Variants in LRRC4C observed in about 807,000 individuals in gnomAD.
The protein encoded by LRRC4C is leucine rich repeat containing 4C.
In LRRC4C, 5 loss-of-function variants were observed where a neutral mutation model predicts 33.6. That is an observed-to-expected ratio of 0.15 (90% CI 0.08 to 0.31). The LOEUF is 0.31. LRRC4C is among the 10% of genes least tolerant of loss of function. LRRC4C has a pLI of 1.00. For synonymous variants in LRRC4C, 329 were observed against 302.0 expected (o/e 1.09, Z -0.93); for missense variants, 560 against 796.7 (o/e 0.70, Z 3.58).
At chr11:41,185,961 A>C (rs1282037152) in intron 1 of LRRC4C, among the ~76,000 whole-genome samples, 1 of 152,064 alleles carries the variant, frequency 6.6e-6, no homozygotes. Context: ...AATAATTAGG[A>C]CTCCAATAGG....
chr11:40,539,288 T>G (rs1956605944), intron 3 of LRRC4C, among the ~76,000 whole-genome samples: 1 of 152,196 alleles, frequency 6.6e-6, no homozygotes, highest in African/African-American at 2.4e-5. Flanking sequence ...CTAGTACTGC[T>G]TGGACATGTA....
At chr11:41,134,720 C>T (rs1222693299) in intron 1 of LRRC4C, among the ~76,000 whole-genome samples, 2 of 152,150 alleles carry the variant, frequency 1.3e-5, no homozygotes, top group Non-Finnish European at 2.9e-5. Flanking sequence ...CTCTAATCCA[C>T]TGTGACCTCA....
chr11:40,176,183 C>T (rs1174313337), intron 5 of LRRC4C, among the ~76,000 whole-genome samples: 2 of 152,034 alleles, frequency 1.3e-5, no homozygotes, highest in African/African-American at 2.4e-5. Flanking sequence ...CCAAATTCAC[C>T]TAGTTTCAAA....
chr11:40,306,475 T>C (rs1945037030), intron 4 of LRRC4C, among the ~76,000 whole-genome samples: 1 of 152,214 alleles, frequency 6.6e-6, no homozygotes, highest in South Asian at 2.1e-4. Flanking sequence ...TCATTTATGT[T>C]CCAGGTTCTT....
chr11:40,664,172 A>C (rs1943594560), intron 2 of LRRC4C, among the ~76,000 whole-genome samples: 2 of 152,210 alleles, frequency 1.3e-5, no homozygotes, highest in Admixed American at 1.3e-4. Flanking sequence ...TCAACATGGA[A>C]GGATGCATGA....
intron 2 of LRRC4C, among the ~76,000 whole-genome samples, chr11:40,731,307 A>C (rs2136786512): frequency 6.7e-6 from 1 of 149,490 alleles, no homozygotes; most frequent in Admixed American, 6.7e-5. Context: ...CAACAGAGCC[A>C]GACTCCGTCT....
intron 1 of LRRC4C, among the ~76,000 whole-genome samples, chr11:41,068,793 A>C (rs181327164): frequency 2.2e-3 from 332 of 152,264 alleles, no homozygotes; most frequent in Non-Finnish European, 3.6e-3. Flanking sequence ...AACAAACAAA[A>C]AAAATGCCCA....
intron 3 of LRRC4C, among the ~76,000 whole-genome samples, chr11:40,492,253 T>A (rs1954197105): frequency 1.3e-5 from 2 of 152,226 alleles, no homozygotes; most frequent in African/African-American, 4.8e-5. Context: ...TGTCAAATCT[T>A]TAATATTACT....
rs903775781 is a variant in LRRC4C, at chr11:40,633,953, G to A, written c.-270+14189C>T. 3.3e-5 allele frequency among the ~76,000 whole-genome samples: 5 copies of A among 152,204 alleles called. No individual in the cohort carries two copies. The South Asian group carries it at 8.3e-4, about 25-fold the overall frequency. On this transcript the variant is annotated intron_variant, in intron 3 of 6. Transcript: ENST00000528697. ...AAAACTTGTAGACTAAATAAAATGG[G>A]TACAAAGTTTGATAAATAATGACAC...
intron 2 of LRRC4C, among the ~76,000 whole-genome samples, chr11:40,910,190 C>T (rs1278617541): frequency 2.6e-5 from 4 of 152,078 alleles, no homozygotes; most frequent in East Asian, 3.9e-4. Flanking sequence ...CAATAAAAAA[C>T]GTATTGTGTA....
chr11:40,583,711 G>C (rs1352956118), intron 3 of LRRC4C, among the ~76,000 whole-genome samples: 1 of 151,908 alleles, frequency 6.6e-6, no homozygotes, highest in Non-Finnish European at 1.5e-5. Flanking sequence ...TTTGCTCACC[G>C]ATCTCATCAT....
intron 1 of LRRC4C, among the ~76,000 whole-genome samples, chr11:41,318,325 T>C (rs112412211): frequency 6.6e-6 from 1 of 152,224 alleles, no homozygotes; most frequent in East Asian, 1.9e-4. Flanking sequence ...GTAAAAGTTA[T>C]CATTTTTATG....
At chr11:40,249,788 A>G (rs1368803771) in intron 4 of LRRC4C, among the ~76,000 whole-genome samples, 2 of 152,052 alleles carry the variant, frequency 1.3e-5, no homozygotes, top group Non-Finnish European at 2.9e-5. Context: ...TCCATTCATA[A>G]AAAAAGTGAT....
chr11:40,949,470 G>A (rs1958587517), intron 1 of LRRC4C, among the ~76,000 whole-genome samples: 1 of 152,008 alleles, frequency 6.6e-6, no homozygotes, highest in Non-Finnish European at 1.5e-5. Flanking sequence ...CAGAGAGAAA[G>A]GTCAGGTTAC....
intron 2 of LRRC4C, among the ~76,000 whole-genome samples, chr11:40,808,552 A>T (rs988454721): frequency 2.6e-5 from 4 of 152,036 alleles, no homozygotes; most frequent in African/African-American, 9.7e-5. Flanking sequence ...TATAAAGTAA[A>T]GGGTGCTCTC....
At chr11:41,321,311 C>T (rs558541334) in intron 1 of LRRC4C, among the ~76,000 whole-genome samples, 56 of 152,072 alleles carry the variant, frequency 3.7e-4, no homozygotes, top group Non-Finnish European at 6.9e-4. Context: ...ACAGTAATTA[C>T]AGTCCAAGTA....
chr11:40,913,775 G>C (rs1323565310), intron 2 of LRRC4C, among the ~76,000 whole-genome samples: 1 of 152,050 alleles, frequency 6.6e-6, no homozygotes, highest in South Asian at 2.1e-4. Flanking sequence ...TTTTTGAAAA[G>C]ATCAACAAAA....
intron 2 of LRRC4C, among the ~76,000 whole-genome samples, chr11:40,760,796 T>A (rs1253630001): frequency 2.3e-5 from 3 of 132,600 alleles, no homozygotes; most frequent in Non-Finnish European, 4.6e-5. Context: ...TGTATATATA[T>A]ATATACACAC....
At position 40,114,995 on chromosome 11, in the gene LRRC4C, C is replaced by G. The variant is rs1855317187; in HGVS notation, c.1298G>C (p.Gly433Ala). 3 of 1,614,170 alleles carry G rather than the reference C, an allele frequency of 1.9e-6. No individual in the cohort carries two copies. The highest frequency in any genetic ancestry group is 2.5e-6 in the Non-Finnish European group (3 of 1,180,030). Residue 433 changes from glycine to alanine, a missense_variant, in exon 7 of 7, where the codon GGG (glycine) becomes GCG (alanine). Around this residue, in one of 3 missense-constraint regions of LRRC4C, gnomAD observed 455 missense variants for 643.8 expected, o/e 0.71. Transcript: ENST00000528697. The part of the protein sequence containing the change: ...MYTCMVSNSV[G>A]NTTASATLNV... ...CAGGGTGGCTGAAGCAGTAGTATTC[C>G]CAACGGAATTACTCACCATACATGT... is the stretch of plus-strand genomic sequence containing the variant.
Sources: allele counts gnomAD v4.1 joint callset (sites outside exome capture counted in the v4.1 genomes callset), GRCh38; gene constraint gnomAD v4.1.1; regional missense constraint gnomAD v4.1.1; transcripts MANE v1.5; gene names NCBI Gene and HGNC (gene_info 2026-07-23, HGNC 2026-07-21).